The following GABRA4 variants were observed in gnomAD, a reference collection of about 807,000 sequenced individuals.
GABRA4 encodes the protein gamma-aminobutyric acid receptor subunit alpha-4.
A neutral mutation model predicts 49.7 loss-of-function variants in GABRA4; 12 were observed. That is an observed-to-expected ratio of 0.24 (90% CI 0.15 to 0.39). The LOEUF (loss-of-function observed/expected upper bound fraction) is 0.39, where lower values mean the gene tolerates loss of function less well. Ranked by LOEUF, GABRA4 falls within the 10% of genes least tolerant of loss-of-function variation. The pLI, the probability that GABRA4 is intolerant of heterozygous loss-of-function variation, is 1.00. For missense variants in GABRA4, 506 were observed against 686.0 expected, an observed-to-expected ratio of 0.74 and a Z score of 2.93; for synonymous variants, 288 against 240.2, an observed-to-expected ratio of 1.20 and a Z score of -1.84.
intron 8 of GABRA4, among the ~76,000 whole-genome samples, chr4:46,946,450 C>A (rs1424474912): frequency 6.6e-6 from 1 of 152,042 alleles, no homozygotes; most frequent in African/African-American, 2.4e-5. Context: ...AAATGACTAA[C>A]CAAAGAAACA....
intron 2 of GABRA4, among the ~76,000 whole-genome samples, chr4:46,987,027 C>A (rs1723568029): frequency 6.6e-6 from 1 of 152,134 alleles, no homozygotes. Context: ...CTCTGACTGC[C>A]TGTTCTGAAC....
At chr4:46,963,005 A>T (rs1414651579) in intron 8 of GABRA4, among the ~76,000 whole-genome samples, 1 of 151,766 alleles carries the variant, frequency 6.6e-6, no homozygotes, top group Non-Finnish European at 1.5e-5. Flanking sequence ...ACAAGAAAAC[A>T]TTGAGGGAAA....
At chr4:46,988,806 G>A (rs564288545) in intron 2 of GABRA4, among the ~76,000 whole-genome samples, 5 of 152,096 alleles carry the variant, frequency 3.3e-5, no homozygotes, top group Admixed American at 1.3e-4. Context: ...AGAGTGCCTC[G>A]GAAGTGGATA....
At chr4:46,951,389 G>A (rs1219309422) in intron 8 of GABRA4, among the ~76,000 whole-genome samples, 3 of 151,524 alleles carry the variant, frequency 2.0e-5, no homozygotes, top group Non-Finnish European at 2.9e-5. Flanking sequence ...AATATTGGGT[G>A]CCAGGCCACT....
chr4:46,978,233 CTT>C (rs1031681636), intron 3 of GABRA4, among the ~76,000 whole-genome samples: 8 of 151,986 alleles, frequency 5.3e-5, no homozygotes, highest in African/African-American at 1.9e-4. Context: ...ATTCTAAGCT[CTT>C]AAACATGAGT....
intron 2 of GABRA4, among the ~76,000 whole-genome samples, chr4:46,982,910 C>T (rs1055257100): frequency 1.1e-4 from 16 of 151,936 alleles, no homozygotes; most frequent in Non-Finnish European, 2.2e-4. Flanking sequence ...GATTGAGGGG[C>T]TGGTATGCTC....
At chr4:46,934,820 G>A (rs1284060255) in intron 8 of GABRA4, among the ~76,000 whole-genome samples, 2 of 152,138 alleles carry the variant, frequency 1.3e-5, no homozygotes, top group Non-Finnish European at 2.9e-5. Context: ...GGCTCCAATG[G>A]AGGAAACCGC....
intron 8 of GABRA4, among the ~76,000 whole-genome samples, chr4:46,946,256 T>C (rs1287907526): frequency 1.3e-5 from 2 of 152,164 alleles, no homozygotes; most frequent in Admixed American, 6.6e-5. Context: ...AAGTGGAAAC[T>C]GATAGATTCT....
intron 8 of GABRA4, among the ~76,000 whole-genome samples, chr4:46,951,120 A>G (rs1722159014): frequency 6.6e-6 from 1 of 152,028 alleles, no homozygotes; most frequent in South Asian, 2.1e-4. Flanking sequence ...GTGAGTTCCA[A>G]AGAAATTAGG....
intron 7 of GABRA4, among the ~76,000 whole-genome samples, chr4:46,966,785 G>T (rs1722768494): frequency 6.6e-6 from 1 of 151,716 alleles, no homozygotes; most frequent in Non-Finnish European, 1.5e-5. Context: ...AATCCATACA[G>T]AGAAAGAAAC....
intron 2 of GABRA4, among the ~76,000 whole-genome samples, chr4:46,991,402 A>G (rs142481555): frequency 6.6e-6 from 1 of 152,036 alleles, no homozygotes; most frequent in Non-Finnish European, 1.5e-5. Context: ...GAAACACCCA[A>G]CTCTACTTTA....
intron 2 of GABRA4, among the ~76,000 whole-genome samples, chr4:46,985,487 G>C (rs1723499295): frequency 6.6e-6 from 1 of 151,872 alleles, no homozygotes; most frequent in African/African-American, 2.4e-5. Flanking sequence ...TCATATACCA[G>C]GAATTATTAA....
chr4:46,948,365 T>C (rs1418309360), intron 8 of GABRA4, among the ~76,000 whole-genome samples: 1 of 152,010 alleles, frequency 6.6e-6, no homozygotes, highest in Non-Finnish European at 1.5e-5. Flanking sequence ...CAAAGAAATA[T>C]CATGGAGGAA....
intron 8 of GABRA4, among the ~76,000 whole-genome samples, chr4:46,930,477 A>C (rs1721388933): frequency 6.6e-6 from 1 of 152,074 alleles, no homozygotes; most frequent in African/African-American, 2.4e-5. Context: ...AGCATATATA[A>C]TCATTGGCAA....
chr4:46,951,651 C>T (rs1447009932), intron 8 of GABRA4, among the ~76,000 whole-genome samples: 7 of 151,884 alleles, frequency 4.6e-5, no homozygotes, highest in African/African-American at 9.6e-5. Flanking sequence ...ATGTGCTAAA[C>T]GGTGGGGCTT....
intron 8 of GABRA4, among the ~76,000 whole-genome samples, chr4:46,950,741 A>AATTAATTAATCAATT (rs376120511): frequency 2.0e-5 from 3 of 148,048 alleles, no homozygotes; most frequent in Non-Finnish European, 4.5e-5. Flanking sequence ...ATAAATAAAT[A>AATTAATTAATCAATT]AATAAATTAC....
At chr4:46,992,508 C>T (rs576488649) in intron 2 of GABRA4, among the ~76,000 whole-genome samples, 2 of 152,268 alleles carry the variant, frequency 1.3e-5, no homozygotes, top group East Asian at 1.9e-4. Flanking sequence ...AAACTATTCT[C>T]AGCGAAGAGC....
At chr4:46,983,383 G>A (rs916798724) in intron 2 of GABRA4, among the ~76,000 whole-genome samples, 1 of 151,976 alleles carries the variant, frequency 6.6e-6, no homozygotes, top group Non-Finnish European at 1.5e-5. Context: ...AACAGCAAAG[G>A]CAAAATCTTA....
chr4:46,992,707 A>G, intron 2 of GABRA4, 121 bp downstream of exon 2: 1 of 764,670 alleles, frequency 1.3e-6, no homozygotes. Flanking sequence ...GAGAGATAGA[A>G]AGAGAGAGAG....
Sources: allele counts gnomAD v4.1 joint callset (sites outside exome capture counted in the v4.1 genomes callset), GRCh38; gene constraint gnomAD v4.1.1; transcripts MANE v1.5; gene names NCBI Gene and HGNC (gene_info 2026-07-23, HGNC 2026-07-21).